Variants in C20orf203 observed in about 807,000 individuals in gnomAD.
C20orf203 encodes chromosome 20 open reading frame 203, also known as uncharacterized protein C20orf203.
Under a neutral mutation model 15.9 loss-of-function variants are expected in C20orf203, and 16 were observed. The ratio of observed to expected loss-of-function variants is 1.01; its 90% CI spans 0.68 to 1.53. The LOEUF is 1.53. Among genes scored for constraint, C20orf203 ranks in the 40% most tolerant of loss-of-function variants. The pLI is 0.00. For missense variants in C20orf203, 263 were observed against 247.5 expected, an observed-to-expected ratio of 1.06 and a Z score of -0.42; for synonymous variants, 98 against 97.2, an observed-to-expected ratio of 1.01 and a Z score of -0.05.
chr20:32,666,344 A>G (rs1339884995), intron 1 of C20orf203, among the ~76,000 whole-genome samples: 1 of 150,584 alleles, frequency 6.6e-6, no homozygotes, highest in East Asian at 2.0e-4. Flanking sequence ...CCACATGCCT[A>G]TAGTCTCATC....
Position 32,650,239 on chromosome 20 carries a change from G to C in C20orf203, c.*193C>G. 1 of 591,564 alleles carries C rather than the reference G, an allele frequency of 1.7e-6. No homozygotes were observed. The highest frequency in any genetic ancestry group is 3.0e-6 in the Non-Finnish European group (1 of 332,536). 36.6% of individuals were successfully genotyped at this position (591,564 alleles called of 1,614,324 possible). A position where few individuals can be genotyped will look rare whatever the true frequency, so the allele number is the denominator to read the frequency against. ...TGGCACAGCCTCGGTCCCTAATCATGTTTGCTGAATGCCTTGAATACAAGC... is the reference window on the plus strand; with the variant it reads ...TGGCACAGCCTCGGTCCCTAATCATCTTTGCTGAATGCCTTGAATACAAGC... On this transcript the variant is annotated 3_prime_UTR_variant, in exon 4 of 6. Transcript: ENST00000608990.
chr20:32,648,364 C>CTAT (rs1982494074), intron 4 of C20orf203, among the ~76,000 whole-genome samples: 2 of 151,728 alleles, frequency 1.3e-5, no homozygotes, highest in Non-Finnish European at 2.9e-5. Flanking sequence ...GCCCCAATCC[C>CTAT]TATTCTCTCT....
chr20:32,647,957 C>T (rs6119923), intron 4 of C20orf203, among the ~76,000 whole-genome samples: 1 of 152,174 alleles, frequency 6.6e-6, no homozygotes, highest in Non-Finnish European at 1.5e-5. Flanking sequence ...TTGATGGCAC[C>T]TACAGCACCC....
chr20:32,639,540 T>C (rs141598984), intron 5 of C20orf203, among the ~76,000 whole-genome samples: 3 of 149,366 alleles, frequency 2.0e-5, no homozygotes, highest in African/African-American at 7.4e-5. Flanking sequence ...ACTCAAGAGG[T>C]GAGGGCTGGA....
Position 32,650,634 on chromosome 20 carries a change from G to A in C20orf203, c.383C>T (p.Ala128Val), listed in dbSNP as rs1379168007. Residue 128 changes from alanine to valine, a missense_variant, in exon 4 of 6, where the codon GCC (alanine) becomes GTC (valine). Ala to Val is a moderately conservative substitution (Grantham distance 64). Coordinates refer to ENST00000608990, the MANE Select transcript of C20orf203 (RefSeq NM_182584.4). ...CATTGCCCTCCCCCGCCCAGCAGGGGCCCGCAGCCCCCTCCCCACTTCCCT... is the reference window on the plus strand; with the variant it reads ...CATTGCCCTCCCCCGCCCAGCAGGGACCCGCAGCCCCCTCCCCACTTCCCT... The part of the protein sequence containing the change: ...RDREVGRGLR[A>V]PAGRGRAMGG... 1.9e-6 allele frequency: 3 copies of A among 1,548,366 alleles called. No individual in the cohort carries two copies. Among genetic ancestry groups the A allele is most frequent in the Non-Finnish European group, 2.6e-6 (3 of 1,145,454 alleles).
At position 32,650,240 on chromosome 20, in the gene C20orf203, T is replaced by C. The variant is rs1236389863; in HGVS notation, c.*192A>G. The C allele has an allele frequency of 3.4e-6, 2 of 591,018 alleles. No homozygotes were observed. The highest frequency in any genetic ancestry group is 3.7e-5 in the African/African-American group (2 of 53,634). The allele number at this position is 591,018 out of a possible 1,614,324, so 36.6% of individuals were successfully genotyped here. ...GGCACAGCCTCGGTCCCTAATCATG[T>C]TTGCTGAATGCCTTGAATACAAGCG... On this transcript the variant is annotated 3_prime_UTR_variant, in exon 4 of 6. Coordinates refer to ENST00000608990, the MANE Select transcript of C20orf203 (RefSeq NM_182584.4).
At chr20:32,639,969 T>C (rs1300712287) in intron 5 of C20orf203, among the ~76,000 whole-genome samples, 1 of 152,236 alleles carries the variant, frequency 6.6e-6, no homozygotes. Context: ...GCCTGCTTCC[T>C]TTCATTCTCA....
chr20:32,668,665 AT>A (rs1983092145), intron 1 of C20orf203, among the ~76,000 whole-genome samples: 1 of 151,910 alleles, frequency 6.6e-6, no homozygotes, highest in Non-Finnish European at 1.5e-5. Context: ...AATTAAAAAA[AT>A]AGCTGGGTGT....
At chr20:32,644,140 A>C (rs1982359611) in intron 4 of C20orf203, among the ~76,000 whole-genome samples, 1 of 152,208 alleles carries the variant, frequency 6.6e-6, no homozygotes, top group Admixed American at 6.5e-5. Flanking sequence ...GGCGTCTGCG[A>C]GGAGCCTTCT....
intron 5 of C20orf203, among the ~76,000 whole-genome samples, chr20:32,638,105 G>A (rs1982188046): frequency 6.6e-6 from 1 of 152,144 alleles, no homozygotes; most frequent in African/African-American, 2.4e-5. Flanking sequence ...GAGCCATCAT[G>A]CCTGGTTGTA....
rs1031301373 is a variant in C20orf203 at position 32,632,425 on chromosome 20, G to A, written c.*3145C>T. On this transcript the variant is annotated 3_prime_UTR_variant, in exon 6 of 6. Coordinates refer to ENST00000608990, the MANE Select transcript of C20orf203 (RefSeq NM_182584.4). ...TAAAATAATTCAAACAAAGCAAAGG[G>A]ATGTACAGTGAAAAACAAGTCTTTT... 6.6e-6 allele frequency: 1 copy of A among 152,176 alleles called. No individual in the cohort carries two copies. The highest frequency in any genetic ancestry group is 2.4e-5 in the African/African-American group (1 of 41,440). 9.4% of individuals were successfully genotyped at this position (152,176 alleles called of 1,614,324 possible). A position where few individuals can be genotyped will look rare whatever the true frequency, so the allele number is the denominator to read the frequency against.
At chr20:32,642,619 C>T (rs1358746904) in intron 4 of C20orf203, among the ~76,000 whole-genome samples, 1 of 152,162 alleles carries the variant, frequency 6.6e-6, no homozygotes, top group Non-Finnish European at 1.5e-5. Flanking sequence ...AAGGAGAGGC[C>T]AGGGAGATTA....
chr20:32,664,522 G>C (rs1157134225), intron 1 of C20orf203, among the ~76,000 whole-genome samples: 1 of 152,184 alleles, frequency 6.6e-6, no homozygotes, highest in Non-Finnish European at 1.5e-5. Context: ...TAGCAATCAG[G>C]TCACCCGTTG....
chr20:32,664,125 C>A (rs180726027), intron 1 of C20orf203, among the ~76,000 whole-genome samples: 28 of 152,348 alleles, frequency 1.8e-4, no homozygotes, highest in African/African-American at 5.8e-4. Flanking sequence ...GAGCACCCAG[C>A]TGCTCTGGTC....
intron 1 of C20orf203, among the ~76,000 whole-genome samples, chr20:32,664,389 G>A (rs1008161895): frequency 1.3e-5 from 2 of 152,130 alleles, no homozygotes; most frequent in Non-Finnish European, 2.9e-5. Context: ...GGGGCTCCCC[G>A]CTTGCCAGAG....
intron 1 of C20orf203, among the ~76,000 whole-genome samples, chr20:32,660,671 C>T (rs1275837547): frequency 6.6e-6 from 1 of 152,104 alleles, no homozygotes; most frequent in Non-Finnish European, 1.5e-5. Context: ...CCAGTTTCCA[C>T]CAAGAACGTG....
chr20:32,659,156 C>T (rs975138221), intron 1 of C20orf203, among the ~76,000 whole-genome samples: 12 of 152,270 alleles, frequency 7.9e-5, no homozygotes, highest in Middle Eastern at 3.4e-3. Context: ...GGACTACAGG[C>T]ATGAGCCACC....
At chr20:32,645,498 G>C (rs1201474137) in intron 4 of C20orf203, among the ~76,000 whole-genome samples, 1 of 152,214 alleles carries the variant, frequency 6.6e-6, no homozygotes, top group Admixed American at 6.5e-5. Flanking sequence ...GGACTTCCCA[G>C]AATTTCTGGG....
intron 1 of C20orf203, among the ~76,000 whole-genome samples, chr20:32,670,608 C>T (rs1020159393): frequency 4.6e-5 from 7 of 151,992 alleles, no homozygotes; most frequent in South Asian, 2.1e-4. Flanking sequence ...CCGAGGTGGG[C>T]GGATCACGAG....
Sources: gnomAD v4.1 joint callset for allele counts (sites outside exome capture counted in the v4.1 genomes callset) on GRCh38, gnomAD v4.1.1 for gene constraint, MANE v1.5 for transcripts, NCBI Gene and HGNC (gene_info 2026-07-23, HGNC 2026-07-21) for gene names.